The following PDE1C variants were observed in gnomAD, a reference collection of about 807,000 sequenced individuals.
The protein encoded by PDE1C is phosphodiesterase 1C, also known as dual specificity calcium/calmodulin-dependent 3',5'-cyclic nucleotide phosphodiesterase 1C.
PDE1C carries 62 observed loss-of-function variants against 93.1 expected under a neutral mutation model. That is an observed-to-expected ratio of 0.67 (90% CI 0.54 to 0.82). The LOEUF is 0.82. PDE1C is among the 40% of genes least tolerant of loss of function. The pLI, the probability that PDE1C is intolerant of heterozygous loss-of-function variation, is 0.00. For synonymous variants in PDE1C, 325 were observed against 310.1 expected (o/e 1.05, Z -0.50); for missense variants, 742 against 884.6 (o/e 0.84, Z 2.04).
chr7:31,804,182 T>C (rs2109837), intron 16 of PDE1C, among the ~76,000 whole-genome samples: 64,926 of 151,706 alleles, frequency 0.43, 14,790 homozygotes, highest in African/African-American at 0.59. Flanking sequence ...CTTTGAGACA[T>C]TTTGATCCCT....
intron 1 of PDE1C, among the ~76,000 whole-genome samples, chr7:32,417,277 AC>A (rs1785294240): frequency 6.9e-6 from 1 of 144,836 alleles, no homozygotes; most frequent in Admixed American, 6.7e-5. Flanking sequence ...GAAAGTGATG[AC>A]TTTTTTTTTT....
At chr7:32,343,314 T>G (rs1181667303) in intron 1 of PDE1C, among the ~76,000 whole-genome samples, 1 of 152,226 alleles carries the variant, frequency 6.6e-6, no homozygotes, top group African/African-American at 2.4e-5. Context: ...TTGAAATGAT[T>G]GATAGTATTT....
At chr7:31,816,876 C>T (rs1300312987) in intron 14 of PDE1C, among the ~76,000 whole-genome samples, 1 of 152,134 alleles carries the variant, frequency 6.6e-6, no homozygotes, top group Non-Finnish European at 1.5e-5. Context: ...TGAAAAGATG[C>T]TAGCATTATT....
chr7:31,935,895 G>A (rs1470462433), intron 2 of PDE1C, among the ~76,000 whole-genome samples: 1 of 152,098 alleles, frequency 6.6e-6, no homozygotes, highest in Non-Finnish European at 1.5e-5. Context: ...TCCTGACACT[G>A]AGTGGGAACT....
rs555703081 is a variant in PDE1C at position 31,870,271 on chromosome 7, T to C, written c.609+3021A>G. On this transcript the variant is annotated intron_variant, in intron 6 of 17. Coordinates refer to ENST00000396191, the MANE Select transcript of PDE1C (RefSeq NM_001191057.4). The stretch of plus-strand genomic sequence containing the variant: ...AAGATCAGAGCAGAATTAAATGAAA[T>C]AGAGACTAACAAAACAATGCAATGG... 5.3e-5 allele frequency among the ~76,000 whole-genome samples: 8 copies of C among 151,562 alleles called. No individual in the cohort carries two copies. In the South Asian group the frequency reaches 1.0e-3, roughly 20 times the overall value.
At chr7:31,739,400 T>C in the PDE1C span, among the ~76,000 whole-genome samples, 15 of 152,280 alleles carry the variant, frequency 9.9e-5, no homozygotes, top group African/African-American at 3.4e-4. Context: ...TGAGAGGGAA[T>C]GCCCTTGTTT....
At chr7:31,820,912 T>C (rs770481024) in intron 14 of PDE1C, 3 of 151,844 alleles carry the variant, frequency 2.0e-5, no homozygotes, top group Non-Finnish European at 4.4e-5. Context: ...TAGGTATTAC[T>C]TCTATTCACC....
intron 1 of PDE1C, among the ~76,000 whole-genome samples, chr7:32,336,024 A>G (rs1404324494): frequency 6.6e-6 from 1 of 152,176 alleles, no homozygotes; most frequent in Non-Finnish European, 1.5e-5. Context: ...TATCCAACAC[A>G]GTCACATCTG....
intron 1 of PDE1C, among the ~76,000 whole-genome samples, chr7:32,282,012 G>C (rs1204187676): frequency 1.3e-5 from 2 of 152,136 alleles, no homozygotes; most frequent in Non-Finnish European, 2.9e-5. Context: ...GCCTGTCATG[G>C]GGTAGGGGAC....
At chr7:31,980,468 G>A (rs879339350) in intron 2 of PDE1C, among the ~76,000 whole-genome samples, 9 of 152,030 alleles carry the variant, frequency 5.9e-5, no homozygotes, top group Non-Finnish European at 1.2e-4. Context: ...GTAAATCCTG[G>A]GTCACAAGAT....
intron 14 of PDE1C, among the ~76,000 whole-genome samples, chr7:31,819,726 T>C (rs986439417): frequency 2.9e-4 from 44 of 152,104 alleles, no homozygotes; most frequent in African/African-American, 8.4e-4. Context: ...GGGAAATACA[T>C]TGATTTCTTT....
intron 2 of PDE1C, among the ~76,000 whole-genome samples, chr7:31,907,500 G>A (rs186043695): frequency 1.3e-5 from 2 of 152,302 alleles, no homozygotes; most frequent in African/African-American, 2.4e-5. Flanking sequence ...CGATGGGAAT[G>A]TAATCACATG....
chr7:32,186,922 G>A (rs6971674), intron 2 of PDE1C, among the ~76,000 whole-genome samples: 65,005 of 151,446 alleles, frequency 0.43, 14,953 homozygotes, highest in East Asian at 0.75. Flanking sequence ...CTCCTTCATC[G>A]ATAGAAAATT....
At chr7:32,401,565 A>G (rs557778602) in intron 1 of PDE1C, among the ~76,000 whole-genome samples, 72 of 152,146 alleles carry the variant, frequency 4.7e-4, no homozygotes, top group African/African-American at 1.6e-3. Context: ...AAGAAAGAAA[A>G]AAAATAGAAA....
At position 32,389,534 on chromosome 7, in the gene PDE1C, T is replaced by C. The variant is rs116561537; in HGVS notation, c.310+38288A>G. On this transcript the variant is annotated intron_variant, in intron 1 of 1. Coordinates refer to the PDE1C transcript ENST00000672256. ...GCCCAGCCTGATAGCTGACTTGTTA[T>C]GTAACAAGGAAAGTTGAAAATGATG... Among the ~76,000 whole-genome samples the C allele has an allele frequency of 2.2e-3, 331 of 152,324 alleles. 3 individuals carry two copies. Among genetic ancestry groups the C allele is most frequent in the African/African-American group, 7.6e-3 (315 of 41,568 alleles).
intron 14 of PDE1C, among the ~76,000 whole-genome samples, chr7:31,816,686 A>C (rs1055973468): frequency 6.6e-6 from 1 of 152,210 alleles, no homozygotes; most frequent in Non-Finnish European, 1.5e-5. Flanking sequence ...CAAAACAAAA[A>C]GGGAAAATAT....
At chr7:31,651,153 T>C in the PDE1C span, 5 of 1,612,940 alleles carry the variant, frequency 3.1e-6, no homozygotes, top group Non-Finnish European at 4.2e-6. Flanking sequence ...GCACAGTCCA[T>C]GAGATGGAAG....
chr7:32,294,208 C>T (rs750265035), intron 1 of PDE1C, among the ~76,000 whole-genome samples: 25 of 152,198 alleles, frequency 1.6e-4, no homozygotes, highest in Admixed American at 4.6e-4. Flanking sequence ...CGATTGCTGT[C>T]TAGGGGCTTC....
intron 2 of PDE1C, among the ~76,000 whole-genome samples, chr7:31,950,966 C>T (rs186382953): frequency 5.3e-5 from 8 of 152,220 alleles, no homozygotes; most frequent in South Asian, 4.2e-4. Context: ...GTTCTGGAGG[C>T]GGAAAGTCCA....
Sources: allele counts gnomAD v4.1 joint callset (sites outside exome capture counted in the v4.1 genomes callset), GRCh38; gene constraint gnomAD v4.1.1; transcripts MANE v1.5; gene names NCBI Gene and HGNC (gene_info 2026-07-23, HGNC 2026-07-21).